TMEM131: variants seen among roughly 807,000 people sequenced by gnomAD.
TMEM131 encodes the protein transmembrane protein 131.
In TMEM131, 66 loss-of-function variants were observed where a neutral mutation model predicts 211.6. That is an observed-to-expected ratio of 0.31 (90% CI 0.26 to 0.38). The LOEUF is 0.38. TMEM131 is among the 10% of genes least tolerant of loss of function. The pLI, the probability that TMEM131 is intolerant of heterozygous loss-of-function variation, is 1.00. For synonymous variants in TMEM131, 844 were observed against 841.3 expected, an observed-to-expected ratio of 1.00 and a Z score of -0.06; for missense variants, 2,036 against 2,299.3, an observed-to-expected ratio of 0.89 and a Z score of 2.34.
chr2:97,878,934 A>G (rs1674806865), intron 4 of TMEM131, among the ~76,000 whole-genome samples: 1 of 152,204 alleles, frequency 6.6e-6, no homozygotes, highest in South Asian at 2.1e-4. Flanking sequence ...ACATCTGCCT[A>G]CCATGGTCAT....
chr2:97,901,798 G>C (rs1336181968), intron 3 of TMEM131, among the ~76,000 whole-genome samples: 1 of 152,126 alleles, frequency 6.6e-6, no homozygotes, highest in East Asian at 1.9e-4. Flanking sequence ...TTTTTGGTGT[G>C]AGAGGGAGGA....
At chr2:97,758,606 G>A (rs1678643446) in intron 40 of TMEM131, among the ~76,000 whole-genome samples, 1 of 152,238 alleles carries the variant, frequency 6.6e-6, no homozygotes, top group Admixed American at 6.5e-5. Context: ...GTTGGGAAGA[G>A]GCAGAAAATG....
At chr2:97,860,028 C>G (rs1385663997) in intron 4 of TMEM131, among the ~76,000 whole-genome samples, 1 of 152,202 alleles carries the variant, frequency 6.6e-6, no homozygotes, top group Non-Finnish European at 1.5e-5. Context: ...ACTCAATGGT[C>G]TGAAATCCAC....
At chr2:97,787,624 T>C (rs1680314259) in intron 31 of TMEM131, among the ~76,000 whole-genome samples, 1 of 152,224 alleles carries the variant, frequency 6.6e-6, no homozygotes, top group Admixed American at 6.5e-5. Flanking sequence ...AAGGTTTTTT[T>C]CCCCAAACTC....
intron 1 of TMEM131, among the ~76,000 whole-genome samples, chr2:97,989,180 TTG>T (rs536780209): frequency 1.6e-3 from 244 of 152,190 alleles, no homozygotes; most frequent in Non-Finnish European, 2.1e-3. Flanking sequence ...TATATGTATG[TTG>T]TGAGTTTAAG....
intron 3 of TMEM131, among the ~76,000 whole-genome samples, chr2:97,894,672 G>A (rs1445328739): frequency 6.6e-6 from 1 of 150,996 alleles, no homozygotes; most frequent in Non-Finnish European, 1.5e-5. Context: ...TCATGATTTG[G>A]CTGTCTGTTA....
chr2:97,765,633 A>T (rs1679124211), intron 35 of TMEM131, among the ~76,000 whole-genome samples: 2 of 152,358 alleles, frequency 1.3e-5, no homozygotes, highest in South Asian at 4.1e-4. Context: ...AACAAGGTCA[A>T]GGTAGTGAGA....
At chr2:97,781,816 A>T (rs1318056766) in intron 31 of TMEM131, among the ~76,000 whole-genome samples, 1 of 152,190 alleles carries the variant, frequency 6.6e-6, no homozygotes, top group Non-Finnish European at 1.5e-5. Flanking sequence ...CCACTCAGAA[A>T]CACCAATGTG....
intron 25 of TMEM131, among the ~76,000 whole-genome samples, chr2:97,800,880 A>T (rs2104920869): frequency 6.6e-6 from 1 of 152,360 alleles, no homozygotes; most frequent in Admixed American, 6.5e-5. Context: ...AAAGCACGAA[A>T]AGATTCCCAG....
chr2:97,835,372 GCAGGGC>G (rs1472881074), intron 8 of TMEM131, among the ~76,000 whole-genome samples: 37 of 152,288 alleles, frequency 2.4e-4, no homozygotes, highest in Admixed American at 1.4e-3. Flanking sequence ...ATGATAACCA[GCAGGGC>G]TTACACTGCT....
intron 11 of TMEM131, among the ~76,000 whole-genome samples, chr2:97,823,345 A>G (rs192958202): frequency 6.6e-6 from 1 of 152,246 alleles, no homozygotes; most frequent in Non-Finnish European, 1.5e-5. Flanking sequence ...CTCTGATTTA[A>G]AGCAGATCAA....
intron 33 of TMEM131, among the ~76,000 whole-genome samples, chr2:97,768,404 G>T (rs34414288): frequency 6.6e-6 from 1 of 152,054 alleles, no homozygotes; most frequent in Non-Finnish European, 1.5e-5. Flanking sequence ...TTAAGTGTGC[G>T]TGGGTAGCTA....
chr2:97,772,236 C>T (rs1299599053), intron 33 of TMEM131, 61 bp downstream of exon 33: 18 of 1,568,902 alleles, frequency 1.1e-5, no homozygotes, highest in Non-Finnish European at 1.5e-5. Flanking sequence ...CAAAACAGCA[C>T]CTGGTTTTCG....
In TMEM131 at chr2:97,793,532, A is replaced by T; in HGVS notation, c.3408T>A (p.Ile1136=). The stretch of plus-strand genomic sequence containing the variant: ...CTTGAGCTTCCAAATAGGCTGTTCC[A>T]ATGACCAAAAGAAACAGTGCACTGC... The part of the protein sequence containing the change: ...GIMSALFLLV[I]GTAYLEAQGI... The change falls in exon 30 of 41, where the codon ATT becomes ATA. Residue 1136 remains isoleucine, a synonymous_variant. Coordinates refer to ENST00000186436, the MANE Select transcript of TMEM131 (RefSeq NM_015348.2). 1.9e-6 allele frequency: 3 copies of T among 1,613,438 alleles called. No individual in the cohort carries two copies. The highest frequency in any genetic ancestry group is 2.5e-6 in the Non-Finnish European group (3 of 1,179,592).
At chr2:97,776,211 GC>G (rs1242543838) in intron 31 of TMEM131, among the ~76,000 whole-genome samples, 193 bp from the exon 32 acceptor site, 7 of 151,986 alleles carry the variant, frequency 4.6e-5, no homozygotes, top group Non-Finnish European at 8.8e-5. Flanking sequence ...CCGCCACCAT[GC>G]CCAGCTAATT....
chr2:97,966,126 C>T (rs1054531024), intron 1 of TMEM131, among the ~76,000 whole-genome samples: 9 of 151,354 alleles, frequency 5.9e-5, no homozygotes, highest in African/African-American at 2.2e-4. Flanking sequence ...AAATTTCTAT[C>T]ATGAATATCT....
rs6743262 is a variant in TMEM131 at position 97,796,757 on chromosome 2, A to T, written c.3013+87T>A. 10,234 of 1,351,458 alleles carry T rather than the reference A, an allele frequency of 7.6e-3. 640 individuals are homozygous for T. The African/African-American group carries it at 0.13, about 17-fold the overall frequency. The allele number at this position is 1,351,458 out of a possible 1,614,324, so 83.7% of individuals were successfully genotyped here. A position where few individuals can be genotyped will look rare whatever the true frequency, so the allele number is the denominator to read the frequency against. ...TCATAACTAATATACACAGGTGCAC[A>T]TACAGAAATAATGTTGTTTTTGAAA... is the stretch of plus-strand genomic sequence containing the variant. On this transcript the variant is annotated intron_variant, in intron 27 of 40. Coordinates refer to ENST00000186436, the MANE Select transcript of TMEM131 (RefSeq NM_015348.2).
intron 11 of TMEM131, among the ~76,000 whole-genome samples, chr2:97,827,068 C>CAAAAAAA (rs66841026): frequency 7.5e-5 from 7 of 93,678 alleles, no homozygotes; most frequent in Non-Finnish European, 1.1e-4. Flanking sequence ...AAGTGATAAG[C>CAAAAAAA]AAAAAAAAAA....
At chr2:97,942,466 A>G (rs1482720264) in intron 1 of TMEM131, among the ~76,000 whole-genome samples, 3 of 131,882 alleles carry the variant, frequency 2.3e-5, no homozygotes, top group Non-Finnish European at 3.3e-5. Context: ...CCTAGAACTT[A>G]AAGTATAATT....
Sources: allele counts gnomAD v4.1 joint callset (sites outside exome capture counted in the v4.1 genomes callset), GRCh38; gene constraint gnomAD v4.1.1; transcripts MANE v1.5; gene names NCBI Gene and HGNC (gene_info 2026-07-23, HGNC 2026-07-21).